The following SLFN12L variants were observed in gnomAD, a reference collection of about 807,000 sequenced individuals.
The protein encoded by SLFN12L is schlafen family member 12 like.
A neutral mutation model predicts 34.8 loss-of-function variants in SLFN12L; 34 were observed. The observed-to-expected ratio is 0.98, with a 90% CI of 0.74 to 1.30. SLFN12L has a LOEUF of 1.30. SLFN12L is among the 50% of genes most tolerant of loss of function. The pLI is 0.00. For missense variants in SLFN12L, 703 were observed against 696.2 expected, an observed-to-expected ratio of 1.01 and a Z score of -0.11; for synonymous variants, 259 against 247.5, an observed-to-expected ratio of 1.05 and a Z score of -0.44.
intron 2 of SLFN12L, chr17:35,489,943 C>A: frequency 7.5e-7 from 1 of 1,326,908 alleles, no homozygotes; most frequent in Non-Finnish European, 1.1e-6. Context: ...ACAAAAATCC[C>A]ACAACCAGTC....
In SLFN12L at chr17:35,522,776, T is replaced by C; in HGVS notation, c.-412A>G. 6.3e-7 allele frequency: 1 copy of C among 1,591,364 alleles called. No individual in the cohort carries two copies. Among genetic ancestry groups the C allele is most frequent in the Non-Finnish European group, 8.6e-7 (1 of 1,162,090 alleles). The stretch of plus-strand genomic sequence containing the variant: ...TGGCCCTGCCAGGGCTGTTCTATGC[T>C]ATCAGCAGAGCATCACAGATGACTC... On this transcript the variant is annotated 5_prime_UTR_variant, in exon 2 of 5. It adds an upstream start codon to the 5' untranslated region. Transcript: ENST00000628453.
At chr17:35,481,624 G>T (rs1914341662) in intron 2 of SLFN12L, among the ~76,000 whole-genome samples, 2 of 152,216 alleles carry the variant, frequency 1.3e-5, no homozygotes, top group African/African-American at 4.8e-5. Context: ...CTGCCCCGTT[G>T]TCTTGTATCC....
intron 1 of SLFN12L, among the ~76,000 whole-genome samples, chr17:35,529,750 G>A (rs1047872301): frequency 5.3e-5 from 8 of 152,004 alleles, no homozygotes; most frequent in East Asian, 1.9e-4. Flanking sequence ...TGTGGGTGAC[G>A]GGTTGGTGGG....
At chr17:35,500,959 CG>C in intron 2 of SLFN12L, among the ~76,000 whole-genome samples, 2 of 152,282 alleles carry the variant, frequency 1.3e-5, no homozygotes, top group African/African-American at 4.8e-5. Flanking sequence ...ATTGCTTACT[CG>C]GGGAGCTCGG....
chr17:35,519,405 T>C (rs1025864594), intron 2 of SLFN12L, among the ~76,000 whole-genome samples: 1 of 152,064 alleles, frequency 6.6e-6, no homozygotes, highest in Non-Finnish European at 1.5e-5. Flanking sequence ...CTAGAACAAT[T>C]TGAGGAACTA....
At chr17:35,482,300 T>C (rs1017195211) in intron 2 of SLFN12L, among the ~76,000 whole-genome samples, 1 of 152,216 alleles carries the variant, frequency 6.6e-6, no homozygotes, top group Non-Finnish European at 1.5e-5. Context: ...GGTAGATCCC[T>C]CATGAATGAG....
chr17:35,496,911 A>G (rs1915104102), intron 2 of SLFN12L, among the ~76,000 whole-genome samples: 2 of 152,202 alleles, frequency 1.3e-5, no homozygotes, highest in South Asian at 4.1e-4. Flanking sequence ...ATGTTACCCT[A>G]ATGGTACAAA....
chr17:35,497,746 T>C (rs1367201579), intron 2 of SLFN12L, among the ~76,000 whole-genome samples: 1 of 152,298 alleles, frequency 6.6e-6, no homozygotes, highest in East Asian at 1.9e-4. Context: ...AGGGAGAAGA[T>C]TCAAAAGCAT....
intron 2 of SLFN12L, chr17:35,500,064 A>G (rs1251019663): frequency 6.6e-6 from 1 of 152,244 alleles, no homozygotes; most frequent in Non-Finnish European, 1.5e-5. Context: ...AAACTTAAGG[A>G]TCAAAAATAT....
chr17:35,478,940 G>T (rs1914158707), intron 3 of SLFN12L, among the ~76,000 whole-genome samples, 177 bp downstream of exon 3: 1 of 152,174 alleles, frequency 6.6e-6, no homozygotes, highest in South Asian at 2.1e-4. Flanking sequence ...TTATTGTATG[G>T]AATATCTATC....
At position 35,486,557 on chromosome 17, in the gene SLFN12L, G is replaced by A. The variant is rs188867089; in HGVS notation, c.87-6362C>T. On this transcript the variant is annotated intron_variant, in intron 2 of 4. Transcript: ENST00000628453. The stretch of plus-strand genomic sequence containing the variant: ...AAACTTTCCATGGTTCAAAACCTCA[G>A]GCTTCAGGCATACATCTGGAACACA... 2.1e-3 allele frequency among the ~76,000 whole-genome samples: 319 copies of A among 152,104 alleles called. 2 individuals are homozygous for A. Among genetic ancestry groups the A allele is most frequent in the Non-Finnish European group, 2.2e-3 (147 of 68,012 alleles).
chr17:35,488,364 C>T (rs1422229721), intron 2 of SLFN12L, among the ~76,000 whole-genome samples: 1 of 152,226 alleles, frequency 6.6e-6, no homozygotes, highest in Non-Finnish European at 1.5e-5. Flanking sequence ...GAGGGAGGTG[C>T]GAGGAGCGGG....
intron 2 of SLFN12L, among the ~76,000 whole-genome samples, chr17:35,502,250 A>G (rs923858756): frequency 6.6e-6 from 1 of 152,100 alleles, no homozygotes; most frequent in Non-Finnish European, 1.5e-5. Context: ...GTATCCCAAA[A>G]GCACTGAGGC....
chr17:35,526,720 G>GA (rs779284376), intron 1 of SLFN12L, among the ~76,000 whole-genome samples: 1 of 150,852 alleles, frequency 6.6e-6, no homozygotes, highest in African/African-American at 2.4e-5. Flanking sequence ...TGTGTAGAGG[G>GA]AAATTTATAT....
intron 2 of SLFN12L, among the ~76,000 whole-genome samples, chr17:35,519,127 G>A (rs1354708308): frequency 6.6e-6 from 1 of 152,172 alleles, no homozygotes; most frequent in Non-Finnish European, 1.5e-5. Context: ...TTATGAGTGG[G>A]AGTTGAACAA....
intron 2 of SLFN12L, among the ~76,000 whole-genome samples, chr17:35,483,915 A>C (rs1477063050): frequency 1.3e-5 from 2 of 151,984 alleles, no homozygotes; most frequent in African/African-American, 4.8e-5. Context: ...ATGTGTAAAC[A>C]ATAATAAAAT....
chr17:35,520,520 G>A (rs1469424775), intron 2 of SLFN12L, among the ~76,000 whole-genome samples: 1 of 152,214 alleles, frequency 6.6e-6, no homozygotes. Flanking sequence ...CAAGACGGAT[G>A]GATCACCTGA....
At chr17:35,505,433 A>G (rs978580503) in intron 2 of SLFN12L, among the ~76,000 whole-genome samples, 1 of 152,228 alleles carries the variant, frequency 6.6e-6, no homozygotes, top group African/African-American at 2.4e-5. Context: ...AGAGGTGGAT[A>G]AGCTAACTCT....
chr17:35,490,556 T>G, intron 2 of SLFN12L: 1 of 834,366 alleles, frequency 1.2e-6, no homozygotes, highest in Non-Finnish European at 2.1e-6. Context: ...GGTTGCAGTC[T>G]GTCTGCGGAT....
Sources: allele counts gnomAD v4.1 joint callset (sites outside exome capture counted in the v4.1 genomes callset), GRCh38; gene constraint gnomAD v4.1.1; transcripts MANE v1.5; gene names NCBI Gene and HGNC (gene_info 2026-07-23, HGNC 2026-07-21).